The following NREP variants were observed in gnomAD, a reference collection of about 807,000 sequenced individuals.
The protein encoded by NREP is neuronal regeneration related protein, also known as neuronal regeneration-related protein.
A neutral mutation model predicts 8.6 loss-of-function variants in NREP; 5 were observed. The observed-to-expected ratio is 0.58, with a 90% CI of 0.30 to 1.22. NREP has a LOEUF of 1.22. Among genes scored for constraint, NREP ranks in the 50% most tolerant of loss-of-function variants. The probability of loss-of-function intolerance (pLI) is 0.07; values close to 1 mark genes in which losing one functional copy is unlikely to be tolerated. For synonymous variants in NREP, 27 were observed against 28.0 expected (o/e 0.96, Z 0.11); for missense variants, 86 against 82.5 (o/e 1.04, Z -0.17).
upstream of NREP, chr5:111,757,566 C>G: frequency 1.0e-6 from 1 of 984,610 alleles, no homozygotes; most frequent in Non-Finnish European, 1.2e-6. Flanking sequence ...GCTTACTCGG[C>G]AGGAATCGGC....
At chr5:111,783,545 C>T (rs564331028) in intron 2 of NREP, among the ~76,000 whole-genome samples, 2 of 152,314 alleles carry the variant, frequency 1.3e-5, no homozygotes, top group African/African-American at 4.8e-5. Flanking sequence ...AGCCTTCCAA[C>T]ATTTAAGCAT....
At chr5:111,908,540 C>T (rs1479449436) in intron 2 of NREP, among the ~76,000 whole-genome samples, 1 of 152,024 alleles carries the variant, frequency 6.6e-6, no homozygotes, top group Non-Finnish European at 1.5e-5. Flanking sequence ...ATTTGGTTTT[C>T]TGTTCCTGCA....
rs139461515 is a variant in NREP, at chr5:111,953,425, A to G, written c.135+21849T>C. ...TTTTTCCCAAAGACTTTTCTTCTGC[A>G]TCACTGGCAACCTCCTCCTCTATTA... On this transcript the variant is annotated intron_variant, in intron 2 of 3. Transcript: ENST00000395634. 8.5e-3 allele frequency among the ~76,000 whole-genome samples: 1,298 copies of G among 152,226 alleles called. 14 individuals are homozygous for G. Among genetic ancestry groups the G allele is most frequent in the Non-Finnish European group, 0.01 (707 of 68,008 alleles).
intron 2 of NREP, among the ~76,000 whole-genome samples, chr5:111,963,804 T>A (rs1177740178): frequency 6.6e-6 from 1 of 152,224 alleles, no homozygotes; most frequent in Non-Finnish European, 1.5e-5. Flanking sequence ...AGTGCCATGG[T>A]CAAAACAAGA....
At chr5:111,895,480 A>G (rs965888687) in intron 2 of NREP, among the ~76,000 whole-genome samples, 2 of 152,144 alleles carry the variant, frequency 1.3e-5, no homozygotes, top group Non-Finnish European at 2.9e-5. Context: ...AGCAGGTTAT[A>G]TGATAGAGAA....
chr5:111,821,402 T>C (rs1461920046), intron 2 of NREP, among the ~76,000 whole-genome samples: 1 of 152,182 alleles, frequency 6.6e-6, no homozygotes, highest in Non-Finnish European at 1.5e-5. Context: ...TTTGGTTGCT[T>C]TCAAATCAAG....
chr5:111,961,200 C>A (rs1236617384), intron 2 of NREP, among the ~76,000 whole-genome samples: 1 of 152,198 alleles, frequency 6.6e-6, no homozygotes, highest in Admixed American at 6.5e-5. Context: ...GTCCACTGAT[C>A]CATGAGCTGC....
At chr5:111,814,866 T>C (rs940161208) in intron 2 of NREP, among the ~76,000 whole-genome samples, 2 of 151,288 alleles carry the variant, frequency 1.3e-5, no homozygotes, top group Non-Finnish European at 1.5e-5. Context: ...CTGAGGAATA[T>C]TGAGTTTGAA....
chr5:111,895,094 T>TTTAGAGATAA (rs1183809437), intron 2 of NREP, among the ~76,000 whole-genome samples: 5 of 152,244 alleles, frequency 3.3e-5, no homozygotes, highest in Non-Finnish European at 7.3e-5. Context: ...GTTGTTTTAA[T>TTTAGAGATAA]TTAGAGATAA....
chr5:111,919,072 G>A (rs1267165041), intron 2 of NREP, among the ~76,000 whole-genome samples: 1 of 151,870 alleles, frequency 6.6e-6, no homozygotes, highest in African/African-American at 2.4e-5. Flanking sequence ...GTGGGTGAAG[G>A]ATACGAACGG....
intron 2 of NREP, among the ~76,000 whole-genome samples, chr5:111,901,682 A>C (rs988484981): frequency 3.3e-5 from 5 of 152,110 alleles, no homozygotes; most frequent in Non-Finnish European, 7.4e-5. Flanking sequence ...AACTAGCTGA[A>C]AAAGAAACCC....
intron 1 of NREP, 141 bp from the exon 2 acceptor site, chr5:111,755,971 G>C: frequency 1.4e-6 from 2 of 1,439,314 alleles, no homozygotes; most frequent in South Asian, 2.9e-5. Context: ...TAACTACTGG[G>C]ATTTCTGAAA....
intron 2 of NREP, among the ~76,000 whole-genome samples, chr5:111,803,291 C>A (rs568942293): frequency 3.9e-5 from 6 of 152,142 alleles, no homozygotes; most frequent in African/African-American, 1.4e-4. Context: ...TAGAGAAGAT[C>A]TTGGCAAAAA....
At chr5:111,804,699 G>GAA (rs58906379) in intron 2 of NREP, among the ~76,000 whole-genome samples, 3 of 147,042 alleles carry the variant, frequency 2.0e-5, no homozygotes, top group Admixed American at 1.4e-4. Context: ...GAGAATAAGA[G>GAA]AAAAAAAAAA....
At chr5:111,747,051 C>A (rs948295816) in intron 2 of NREP, among the ~76,000 whole-genome samples, 1 of 152,138 alleles carries the variant, frequency 6.6e-6, no homozygotes, top group African/African-American at 2.4e-5. Flanking sequence ...ACTTTGACAT[C>A]ATGGTCCCAA....
At chr5:111,851,700 A>G (rs1753314220) in intron 2 of NREP, among the ~76,000 whole-genome samples, 1 of 152,166 alleles carries the variant, frequency 6.6e-6, no homozygotes, top group Non-Finnish European at 1.5e-5. Flanking sequence ...AATAAGCTAA[A>G]GAGACCTATT....
At chr5:111,940,293 A>C (rs1755796155) in intron 2 of NREP, among the ~76,000 whole-genome samples, 1 of 152,094 alleles carries the variant, frequency 6.6e-6, no homozygotes, top group East Asian at 1.9e-4. Context: ...TAGGGATAAA[A>C]GATAAAACAA....
chr5:111,775,857 A>G (rs1751344366), intron 2 of NREP, among the ~76,000 whole-genome samples: 1 of 152,202 alleles, frequency 6.6e-6, no homozygotes, highest in Admixed American at 6.5e-5. Context: ...TTCTAAATCA[A>G]TAAAAGACCA....
At chr5:111,952,324 G>A (rs1457162180) in intron 2 of NREP, among the ~76,000 whole-genome samples, 3 of 152,158 alleles carry the variant, frequency 2.0e-5, no homozygotes, top group South Asian at 2.1e-4. Context: ...ATTCATCTGT[G>A]CCTTTGGATG....
Sources: gnomAD v4.1 joint callset for allele counts (sites outside exome capture counted in the v4.1 genomes callset) on GRCh38, gnomAD v4.1.1 for gene constraint, MANE v1.5 for transcripts, NCBI Gene and HGNC (gene_info 2026-07-23, HGNC 2026-07-21) for gene names.